EML4: variants seen among roughly 807,000 people sequenced by gnomAD.
EML4 encodes EMAP like 4.
EML4 carries 72 observed loss-of-function variants against 129.0 expected under a neutral mutation model. The ratio of observed to expected loss-of-function variants is 0.56; its 90% CI spans 0.46 to 0.68. EML4 has a LOEUF of 0.68. EML4 is among the 30% of genes least tolerant of loss of function. EML4 has a pLI of 0.00. For synonymous variants in EML4, 532 were observed against 405.0 expected (o/e 1.31, Z -3.77); for missense variants, 1,363 against 1,190.6 (o/e 1.14, Z -2.13).
intron 1 of EML4, among the ~76,000 whole-genome samples, chr2:42,183,284 C>T (rs1290078832): frequency 2.0e-5 from 3 of 152,178 alleles, no homozygotes; most frequent in Non-Finnish European, 4.4e-5. Flanking sequence ...TCTCATGAAG[C>T]TTGTATTATC....
At chr2:42,221,767 C>G (rs1352383682) in intron 1 of EML4, among the ~76,000 whole-genome samples, 2 of 151,924 alleles carry the variant, frequency 1.3e-5, no homozygotes, top group Admixed American at 6.6e-5. Context: ...CCACACCCAG[C>G]TAGTTTTTGT....
intron 1 of EML4, among the ~76,000 whole-genome samples, chr2:42,219,987 T>G (rs137924861): frequency 1.3e-5 from 2 of 151,544 alleles, no homozygotes; most frequent in Non-Finnish European, 2.9e-5. Flanking sequence ...AATTTCTGTA[T>G]AGGAAGGGCT....
At chr2:42,224,470 A>G (rs908412962) in intron 1 of EML4, among the ~76,000 whole-genome samples, 5 of 152,102 alleles carry the variant, frequency 3.3e-5, no homozygotes, top group Non-Finnish European at 7.4e-5. Context: ...CATTTGGGTT[A>G]TTTCTACTTT....
chr2:42,247,726 A>G (rs942087143), intron 2 of EML4, among the ~76,000 whole-genome samples: 2 of 152,098 alleles, frequency 1.3e-5, no homozygotes, highest in Non-Finnish European at 2.9e-5. Context: ...AGATCAAGCC[A>G]GAAAACAATT....
chr2:42,264,642 G>C (rs1484298095), intron 5 of EML4, 64 bp from the exon 6 acceptor site: 24 of 902,028 alleles, frequency 2.7e-5, no homozygotes. Context: ...GTTTCTTGAG[G>C]TGATTTTAAT....
intron 14 of EML4, 65 bp from the exon 15 acceptor site, chr2:42,303,039 C>G (rs956550767): frequency 2.6e-6 from 4 of 1,518,754 alleles, no homozygotes; most frequent in South Asian, 2.4e-5. Context: ...GCTATAAATG[C>G]AGGCTTCGAG....
chr2:42,245,358 A>C (rs1675330193), intron 1 of EML4, 147 bp from the exon 2 acceptor site: 1 of 686,356 alleles, frequency 1.5e-6, no homozygotes, highest in Non-Finnish European at 2.4e-6. Context: ...GGCCCCTCAA[A>C]GTTCTGGAAG....
At chr2:42,261,071 T>C (rs1437622107) in intron 3 of EML4, 50 bp from the exon 4 acceptor site, 1 of 1,374,450 alleles carries the variant, frequency 7.3e-7, no homozygotes, top group Non-Finnish European at 9.9e-7. Context: ...GTTTGATTTT[T>C]TTTCATTTGT....
At chr2:42,268,955 T>C (rs6748415) in intron 6 of EML4, among the ~76,000 whole-genome samples, 42,242 of 152,084 alleles carry the variant, frequency 0.28, 6,431 homozygotes, top group East Asian at 0.57. Context: ...GAAATCTGCT[T>C]ATTTTGAGGA....
intron 1 of EML4, among the ~76,000 whole-genome samples, chr2:42,198,709 G>C (rs755794137): frequency 2.6e-5 from 4 of 152,186 alleles, no homozygotes; most frequent in Non-Finnish European, 5.9e-5. Flanking sequence ...GAAGAGAGTT[G>C]TGAGGATTTG....
intron 21 of EML4, among the ~76,000 whole-genome samples, chr2:42,328,580 TG>T (rs1398464592): frequency 1.3e-5 from 2 of 152,192 alleles, no homozygotes; most frequent in African/African-American, 4.8e-5. Context: ...ATTGCTGAGG[TG>T]TAAGTCAAGC....
Position 42,324,782 on chromosome 2 carries a change from G to A in EML4, c.2155-685G>A, listed in dbSNP as rs778777218. Among the ~76,000 whole-genome samples the A allele has an allele frequency of 2.6e-5, 4 of 152,336 alleles. No individual in the cohort carries two copies. The Middle Eastern group carries it at 0.01, about 389-fold the overall frequency. On this transcript the variant is annotated intron_variant, in intron 19 of 22. Coordinates refer to ENST00000318522, the MANE Select transcript of EML4 (RefSeq NM_019063.5). ...ATTGGAAATGCTTAAGTGCTTATAC[G>A]TGAAGCCAACAAAAATTAGTGTTTC...
At chr2:42,210,710 A>G (rs1019843441) in intron 1 of EML4, among the ~76,000 whole-genome samples, 2 of 152,064 alleles carry the variant, frequency 1.3e-5, no homozygotes, top group East Asian at 1.9e-4. Context: ...ATCCAATACT[A>G]TTTTATTTAT....
intron 13 of EML4, among the ~76,000 whole-genome samples, chr2:42,300,504 G>A (rs528575664): frequency 2.0e-5 from 3 of 152,258 alleles, no homozygotes; most frequent in Admixed American, 6.5e-5. Flanking sequence ...AAACTGGGCT[G>A]TTATTTAGCC....
At chr2:42,263,619 G>A (rs1665872959) in intron 5 of EML4, among the ~76,000 whole-genome samples, 1 of 151,734 alleles carries the variant, frequency 6.6e-6, no homozygotes, top group Non-Finnish European at 1.5e-5. Context: ...TGGCCAGGAT[G>A]GTCTCGATCT....
intron 3 of EML4, 75 bp downstream of exon 3, chr2:42,256,705 G>A: frequency 1.9e-6 from 3 of 1,551,982 alleles, no homozygotes; most frequent in Non-Finnish European, 2.6e-6. Context: ...CCTTTAGAAA[G>A]AATATGAAAT....
intron 1 of EML4, among the ~76,000 whole-genome samples, chr2:42,245,021 A>G (rs1675291846): frequency 6.6e-6 from 1 of 151,562 alleles, no homozygotes; most frequent in African/African-American, 2.4e-5. Flanking sequence ...GATAGCTATA[A>G]AAGTCTTTAT....
At chr2:42,244,583 CTT>C (rs1247037009) in intron 1 of EML4, among the ~76,000 whole-genome samples, 1 of 151,990 alleles carries the variant, frequency 6.6e-6, no homozygotes, top group African/African-American at 2.4e-5. Flanking sequence ...TCATAAAAAC[CTT>C]TTTTTAAGAG....
At chr2:42,290,565 CAA>C (rs542271059) in intron 11 of EML4, among the ~76,000 whole-genome samples, 79 of 115,594 alleles carry the variant, frequency 6.8e-4, no homozygotes, top group African/African-American at 1.9e-3. Context: ...TTGTCTCTAC[CAA>C]AAAAAAAAAA....
Sources: gnomAD v4.1 joint callset for allele counts (sites outside exome capture counted in the v4.1 genomes callset) on GRCh38, gnomAD v4.1.1 for gene constraint, MANE v1.5 for transcripts, NCBI Gene and HGNC (gene_info 2026-07-23, HGNC 2026-07-21) for gene names.